ADAMTS2: variants seen among roughly 807,000 people sequenced by gnomAD.
ADAMTS2 encodes A disintegrin and metalloproteinase with thrombospondin motifs 2.
Under a neutral mutation model 123.0 loss-of-function variants are expected in ADAMTS2, and 50 were observed. The observed-to-expected ratio is 0.41, with a 90% confidence interval of 0.32 to 0.51. ADAMTS2 has a LOEUF of 0.51. ADAMTS2 is among the 20% of genes least tolerant of loss of function. ADAMTS2 has a pLI of 0.35. For synonymous variants in ADAMTS2, 678 were observed against 695.4 expected, an observed-to-expected ratio of 0.98 and a Z score of 0.39; for missense variants, 1,494 against 1,705.2, an observed-to-expected ratio of 0.88 and a Z score of 2.18.
At chr5:179,176,701 C>T (rs1763937763) in intron 5 of ADAMTS2, among the ~76,000 whole-genome samples, 1 of 152,230 alleles carries the variant, frequency 6.6e-6, no homozygotes, top group Admixed American at 6.5e-5. Flanking sequence ...ACACAGGAGC[C>T]AGTGATCTTC....
rs918502915 is a variant in ADAMTS2, at chr5:179,272,522, C to T, written c.688+389G>A. Among the ~76,000 whole-genome samples the T allele has an allele frequency of 1.4e-4, 21 of 152,320 alleles. No individual in the cohort carries two copies. The highest frequency in any genetic ancestry group is 5.1e-4 in the African/African-American group (21 of 41,574). On this transcript the variant is annotated intron_variant, in intron 3 of 21. Coordinates refer to ENST00000251582, the MANE Select transcript of ADAMTS2 (RefSeq NM_014244.5). This position sits in a 1 kb window ranked among gnomAD's most constrained non-coding sequence, Gnocchi z 5.8. ...GTCTGGGGCTCTGGAGGCCTCTTCA[C>T]AGGCACAGACTCAGAGACGCAGGCA...
intron 13 of ADAMTS2, among the ~76,000 whole-genome samples, chr5:179,135,628 T>C (rs1763053120): frequency 6.6e-6 from 1 of 152,042 alleles, no homozygotes; most frequent in Non-Finnish European, 1.5e-5. Flanking sequence ...TAAAAATTCA[T>C]GCTCCCAGGC....
At chr5:179,258,747 G>A (rs1017841342) in intron 3 of ADAMTS2, among the ~76,000 whole-genome samples, 3 of 152,178 alleles carry the variant, frequency 2.0e-5, no homozygotes, top group African/African-American at 7.2e-5. Context: ...ACCTCGACAG[G>A]TCTGAGGTCC....
intron 10 of ADAMTS2, among the ~76,000 whole-genome samples, chr5:179,140,737 G>A (rs1241592346): frequency 6.7e-6 from 1 of 148,684 alleles, no homozygotes; most frequent in Non-Finnish European, 1.5e-5. Context: ...CCAAAAAACA[G>A]AGAACAAGGA....
At chr5:179,205,846 A>G (rs1366383956) in intron 4 of ADAMTS2, among the ~76,000 whole-genome samples, 3 of 151,760 alleles carry the variant, frequency 2.0e-5, no homozygotes, top group Admixed American at 2.0e-4. Flanking sequence ...ATCTCAGCTC[A>G]CTGCAAGCTC....
At chr5:179,173,482 GT>G (rs1166998279) in intron 5 of ADAMTS2, among the ~76,000 whole-genome samples, 10 of 152,118 alleles carry the variant, frequency 6.6e-5, no homozygotes, top group Admixed American at 2.0e-4. Flanking sequence ...CATTAAACAT[GT>G]TTCGAAAATG....
Position 179,155,010 on chromosome 5 carries a change from A to G in ADAMTS2, c.1133-91T>C. On this transcript the variant is annotated intron_variant, in intron 6 of 21. Coordinates refer to ENST00000251582, the MANE Select transcript of ADAMTS2 (RefSeq NM_014244.5). This position sits in a 1 kb window ranked among gnomAD's most constrained non-coding sequence, Gnocchi z 5.1. ...TAACTCCCAGGCGCTGCTTCTCCTC[A>G]AGGCCCCAATGCCCTCTCTACCACA... 2 of 1,189,422 alleles carry G rather than the reference A, an allele frequency of 1.7e-6. No homozygotes were observed. Among genetic ancestry groups the G allele is most frequent in the Non-Finnish European group, 2.4e-6 (2 of 818,468 alleles). 73.7% of individuals were successfully genotyped at this position (1,189,422 alleles called of 1,614,324 possible). A position where few individuals can be genotyped will look rare whatever the true frequency, so the allele number is the denominator to read the frequency against.
chr5:179,133,931 T>G (rs1763009312), intron 13 of ADAMTS2, among the ~76,000 whole-genome samples: 1 of 151,686 alleles, frequency 6.6e-6, no homozygotes, highest in Non-Finnish European at 1.5e-5. Flanking sequence ...AGGCTAGTCT[T>G]GAACCCCAGA....
intron 3 of ADAMTS2, among the ~76,000 whole-genome samples, chr5:179,211,180 G>A (rs1764842510): frequency 6.6e-6 from 1 of 152,236 alleles, no homozygotes; most frequent in African/African-American, 2.4e-5. Flanking sequence ...GGAGCTCCCT[G>A]TGTAGCCCAG....
Position 179,256,878 on chromosome 5 carries a change from C to T in ADAMTS2, c.688+16033G>A, listed in dbSNP as rs551933238. ...ACATTGCGGGGTGGGGCGGCGAGGC[C>T]GCCCAAGAGCTGCAGGGCTGAGGCC... On this transcript the variant is annotated intron_variant, in intron 3 of 21. Coordinates refer to ENST00000251582, the MANE Select transcript of ADAMTS2 (RefSeq NM_014244.5). The surrounding 1 kb of genome is among the most constrained non-coding windows in gnomAD (Gnocchi z 4.1). Among the ~76,000 whole-genome samples the T allele has an allele frequency of 2.0e-5, 3 of 152,374 alleles. No homozygotes were observed. In the South Asian group the frequency reaches 6.2e-4, roughly 32 times the overall value.
intron 21 of ADAMTS2, among the ~76,000 whole-genome samples, chr5:179,116,613 C>A (rs1176991823): frequency 2.6e-5 from 4 of 152,102 alleles, no homozygotes; most frequent in Non-Finnish European, 1.5e-5. Context: ...AGCCCCAGAG[C>A]CTAGAACAGT....
chr5:179,289,733 C>G (rs1756132052), intron 2 of ADAMTS2, among the ~76,000 whole-genome samples: 4 of 152,208 alleles, frequency 2.6e-5, no homozygotes, highest in Admixed American at 2.6e-4. Flanking sequence ...AAGGGCATCA[C>G]TGACAATAGG....
chr5:179,114,110 C>T lies in ADAMTS2; in HGVS notation c.3393G>A (p.Glu1131=). ...PTLPVPTVAM[E]VRPSPSTPLE... ...GGGGGGTGCTTGGTGATGGCCGCAC[C>T]TCCATGGCTACAGTGGGCACTGGGA... The change falls in exon 22 of 22, where the codon GAG becomes GAA. Residue 1131 remains glutamate (E), a synonymous_variant. Transcript: ENST00000251582. 1 of 1,614,062 alleles carries T rather than the reference C, an allele frequency of 6.2e-7. No individual in the cohort carries two copies.
At chr5:179,253,563 T>G (rs562077495) in intron 3 of ADAMTS2, among the ~76,000 whole-genome samples, 2 of 151,016 alleles carry the variant, frequency 1.3e-5, no homozygotes, top group African/African-American at 4.9e-5. Flanking sequence ...GGAGAATCAC[T>G]GGAACCCGAG....
chr5:179,333,536 G>A (rs1196681906), intron 2 of ADAMTS2, among the ~76,000 whole-genome samples: 3 of 151,452 alleles, frequency 2.0e-5, no homozygotes, highest in Non-Finnish European at 4.4e-5. Flanking sequence ...TGGGCAGGCA[G>A]AGAGATCACA....
chr5:179,121,356 G>A, intron 21 of ADAMTS2: 1 of 218,112 alleles, frequency 4.6e-6, no homozygotes, highest in Non-Finnish European at 9.0e-6. Context: ...GCCGGGACGG[G>A]CTCGGCCCGG....
rs1200675542 is a variant in ADAMTS2 at position 179,189,303 on chromosome 5, T to C, written c.892-8148A>G. On this transcript the variant is annotated intron_variant, in intron 4 of 21. Transcript: ENST00000251582. This position sits in a 1 kb window ranked among gnomAD's most constrained non-coding sequence, Gnocchi z 4.2. ...GAGAGTCAGCAAAGGGTGGTGGGAC[T>C]ACCATTCGTTGGTATAGGTTTGGGA... Among the ~76,000 whole-genome samples, 1 of 151,952 alleles carries C rather than the reference T, an allele frequency of 6.6e-6. No individual in the cohort carries two copies. The highest frequency in any genetic ancestry group is 1.5e-5 in the Non-Finnish European group (1 of 67,986).
intron 3 of ADAMTS2, among the ~76,000 whole-genome samples, chr5:179,223,645 CAT>C (rs57208857): frequency 0.58 from 84,264 of 146,096 alleles, 24,165 homozygotes; most frequent in East Asian, 0.95. Flanking sequence ...TGCACACACA[CAT>C]ACACTCACAG....
At chr5:179,143,822 C>T (rs1763211896) in intron 10 of ADAMTS2, among the ~76,000 whole-genome samples, 2 of 152,092 alleles carry the variant, frequency 1.3e-5, no homozygotes, top group Admixed American at 1.3e-4. Context: ...TACTTTAGTT[C>T]CATATTCCAT....
Sources: gnomAD v4.1 joint callset for allele counts (sites outside exome capture counted in the v4.1 genomes callset) on GRCh38, gnomAD v4.1.1 for gene constraint, Gnocchi (gnomAD v3.1) non-coding constraint, MANE v1.5 for transcripts, NCBI Gene and HGNC (gene_info 2026-07-23, HGNC 2026-07-21) for gene names.